KDM4C: variants seen among roughly 807,000 people sequenced by gnomAD.
KDM4C encodes the protein lysine-specific demethylase 4C.
KDM4C carries 81 observed loss-of-function variants against 129.3 expected under a neutral mutation model. The ratio of observed to expected loss-of-function variants is 0.63; its 90% confidence interval spans 0.52 to 0.75. The LOEUF is 0.75. Ranked by LOEUF, KDM4C falls within the 30% of genes least tolerant of loss-of-function variation. KDM4C has a pLI of 0.00. For synonymous variants in KDM4C, 573 were observed against 456.1 expected (o/e 1.26, Z -3.26); for missense variants, 1,457 against 1,304.0 (o/e 1.12, Z -1.81).
intron 8 of KDM4C, among the ~76,000 whole-genome samples, chr9:6,933,057 A>C (rs1198333360): frequency 7.1e-6 from 1 of 140,662 alleles, no homozygotes; most frequent in Admixed American, 6.9e-5. Context: ...ATCAGTGGTG[A>C]AATACCATCT....
chr9:6,878,937 G>A (rs10114043), intron 5 of KDM4C, among the ~76,000 whole-genome samples: 90,080 of 152,022 alleles, frequency 0.59, 27,131 homozygotes, highest in East Asian at 0.71. Flanking sequence ...CTAAAATTTT[G>A]TCTTCCCATT....
At chr9:6,764,882 T>A (rs1318999360) in intron 1 of KDM4C, among the ~76,000 whole-genome samples, 2 of 152,242 alleles carry the variant, frequency 1.3e-5, no homozygotes, top group Non-Finnish European at 2.9e-5. Flanking sequence ...CTCTCAGCTC[T>A]GCTTCTCTGG....
intron 3 of KDM4C, among the ~76,000 whole-genome samples, chr9:6,806,690 C>T (rs1453875184): frequency 2.0e-5 from 3 of 152,040 alleles, no homozygotes; most frequent in Non-Finnish European, 2.9e-5. Context: ...GATTCTCTTA[C>T]AAGAGTGCTC....
At chr9:6,749,083 G>A (rs375126784) in intron 1 of KDM4C, 37 of 470,954 alleles carry the variant, frequency 7.9e-5, no homozygotes, top group African/African-American at 3.0e-4. Flanking sequence ...GCAATGGCGC[G>A]ATCTCGCCTT....
intron 5 of KDM4C, among the ~76,000 whole-genome samples, chr9:6,868,566 C>T (rs964736822): frequency 6.6e-6 from 1 of 152,222 alleles, no homozygotes; most frequent in African/African-American, 2.4e-5. Context: ...TACTTTACAT[C>T]ATTTCTAGAT....
At chr9:7,039,665 A>G (rs185025150) in intron 15 of KDM4C, among the ~76,000 whole-genome samples, 117 of 152,188 alleles carry the variant, frequency 7.7e-4, no homozygotes, top group Admixed American at 1.5e-3. Context: ...TATATGCTGT[A>G]TTTTTACAAT....
At chr9:7,113,330 GACCT>G (rs1238508750) in intron 18 of KDM4C, among the ~76,000 whole-genome samples, 7 of 152,182 alleles carry the variant, frequency 4.6e-5, no homozygotes, top group Non-Finnish European at 7.3e-5. Flanking sequence ...ATTTAGCACA[GACCT>G]TTTAGAATAT....
At chr9:6,765,961 G>T (rs1820546037) in intron 1 of KDM4C, among the ~76,000 whole-genome samples, 1 of 152,134 alleles carries the variant, frequency 6.6e-6, no homozygotes, top group East Asian at 1.9e-4. Flanking sequence ...GCTAATTTTT[G>T]TGCTTTTAGT....
chr9:6,921,893 C>T (rs1821586902), intron 8 of KDM4C, among the ~76,000 whole-genome samples: 1 of 152,132 alleles, frequency 6.6e-6, no homozygotes, highest in South Asian at 2.1e-4. Context: ...GTTCCATGAT[C>T]CTTTTCCCAG....
intron 3 of KDM4C, among the ~76,000 whole-genome samples, chr9:6,810,698 C>T (rs1442537201): frequency 6.6e-6 from 1 of 151,710 alleles, no homozygotes; most frequent in Non-Finnish European, 1.5e-5. Flanking sequence ...AAAGTGAGAC[C>T]CTGTCTCTAC....
chr9:6,893,279 G>C, intron 8 of KDM4C, 47 bp downstream of exon 8: 2 of 1,514,080 alleles, frequency 1.3e-6, no homozygotes, highest in Admixed American at 1.9e-5. Flanking sequence ...GTGTATTCTG[G>C]TTATTTTAGT....
intron 1 of KDM4C, among the ~76,000 whole-genome samples, chr9:6,765,857 C>A (rs973174486): frequency 7.3e-5 from 11 of 151,612 alleles, no homozygotes; most frequent in African/African-American, 2.7e-4. Context: ...GGTGTGATCT[C>A]GGCTCACTGC....
At chr9:6,751,981 T>G (rs1390431292) in intron 1 of KDM4C, among the ~76,000 whole-genome samples, 1 of 152,138 alleles carries the variant, frequency 6.6e-6, no homozygotes, top group Non-Finnish European at 1.5e-5. Flanking sequence ...GGTTCTTGTT[T>G]GTGATACCAA....
chr9:7,011,712 C>T lies in KDM4C; in HGVS notation c.1801C>T (p.Leu601=), dbSNP rs1822728817. The change falls in exon 13 of 22, where the codon CTG becomes TTG. Residue 601 remains leucine (L), a synonymous_variant. Coordinates refer to ENST00000381309, the MANE Select transcript of KDM4C (RefSeq NM_015061.6). ...TCTCCCTTAAGAATTGCCTGAGGTT[C>T]TGTCCATTGAGGAGGAAGTGGAAGA... The part of the protein sequence containing the change: ...APSDEELPEV[L]SIEEEVEETE... The T allele has an allele frequency of 1.2e-6, 2 of 1,614,110 alleles. No homozygotes were observed. Among genetic ancestry groups the T allele is most frequent in the East Asian group, 4.5e-5 (2 of 44,878 alleles).
intron 8 of KDM4C, among the ~76,000 whole-genome samples, chr9:6,945,695 C>T (rs1826835972): frequency 6.6e-6 from 1 of 152,136 alleles, no homozygotes; most frequent in African/African-American, 2.4e-5. Flanking sequence ...CAGGATTTTA[C>T]TACATATAGA....
intron 5 of KDM4C, among the ~76,000 whole-genome samples, chr9:6,856,862 A>C (rs982110003): frequency 2.8e-5 from 4 of 144,374 alleles, no homozygotes; most frequent in Admixed American, 7.3e-5. Context: ...GGTTCACGCC[A>C]TTCTCCTGCC....
chr9:7,016,614 C>T (rs996605300), intron 15 of KDM4C, among the ~76,000 whole-genome samples: 11 of 150,602 alleles, frequency 7.3e-5, no homozygotes, highest in East Asian at 4.0e-4. Context: ...TTAGTAGAGA[C>T]GGGGTTTCAC....
At chr9:6,888,145 G>T in intron 7 of KDM4C, 82 bp downstream of exon 7, 1 of 666,764 alleles carries the variant, frequency 1.5e-6, no homozygotes. Context: ...TTAACTTCCA[G>T]TAGAATTTTT....
At chr9:6,792,503 C>T (rs192454649) in intron 1 of KDM4C, among the ~76,000 whole-genome samples, 1 of 151,972 alleles carries the variant, frequency 6.6e-6, no homozygotes, top group Non-Finnish European at 1.5e-5. Flanking sequence ...ATTTTGCTGC[C>T]TCAGCCTCCT....
Sources: gnomAD v4.1 joint callset for allele counts (sites outside exome capture counted in the v4.1 genomes callset) on GRCh38, gnomAD v4.1.1 for gene constraint, MANE v1.5 for transcripts, NCBI Gene and HGNC (gene_info 2026-07-23, HGNC 2026-07-21) for gene names.